The following PDCD1LG2 variants were observed in gnomAD, a reference collection of about 807,000 sequenced individuals.
The protein encoded by PDCD1LG2 is programmed cell death 1 ligand 2.
Under a neutral mutation model 28.2 loss-of-function variants are expected in PDCD1LG2, and 32 were observed. That is an observed-to-expected ratio of 1.13 (90% CI 0.86 to 1.52). The LOEUF is 1.52. Ranked by LOEUF, PDCD1LG2 falls within the 40% of genes most tolerant of loss-of-function variation. The pLI, the probability that PDCD1LG2 is intolerant of heterozygous loss-of-function variation, is 0.00. For missense variants in PDCD1LG2, 385 were observed against 323.8 expected, an observed-to-expected ratio of 1.19 and a Z score of -1.45; for synonymous variants, 116 against 120.2, an observed-to-expected ratio of 0.97 and a Z score of 0.23.
At chr9:5,555,249 C>T (rs1563832272) in intron 4 of PDCD1LG2, among the ~76,000 whole-genome samples, 1 of 152,032 alleles carries the variant, frequency 6.6e-6, no homozygotes, top group Non-Finnish European at 1.5e-5. Flanking sequence ...AACCCCGTCT[C>T]TACTAAAAAT....
At position 5,526,914 on chromosome 9, in the gene PDCD1LG2, G is replaced by A. The variant is rs570113417; in HGVS notation, c.55+4313G>A. 2.0e-5 allele frequency among the ~76,000 whole-genome samples: 3 copies of A among 152,080 alleles called. No homozygotes were observed. The South Asian group carries it at 6.2e-4, about 32-fold the overall frequency. On this transcript the variant is annotated intron_variant, in intron 2 of 6. Transcript: ENST00000397747. Reference sequence around the variant, plus strand: ...CTGTAATTTATTTAACCACTTCCCTGTTGGTAGACATTATTTCCATTTTCT... The same window carrying A: ...CTGTAATTTATTTAACCACTTCCCTATTGGTAGACATTATTTCCATTTTCT...
chr9:5,519,785 C>T (rs1820239616), intron 1 of PDCD1LG2, among the ~76,000 whole-genome samples: 1 of 152,180 alleles, frequency 6.6e-6, no homozygotes, highest in African/African-American at 2.4e-5. Flanking sequence ...TTGCTTCTCC[C>T]CCAGCCTTCT....
chr9:5,537,494 G>A (rs942567691), intron 3 of PDCD1LG2, among the ~76,000 whole-genome samples: 18 of 152,068 alleles, frequency 1.2e-4, no homozygotes, highest in African/African-American at 3.9e-4. Flanking sequence ...GTCCAACAAC[G>A]ATAGACTGGA....
rs117211069 is a variant in PDCD1LG2 at position 5,552,284 on chromosome 9, T to G, written c.631+2680T>G. Among the ~76,000 whole-genome samples the G allele has an allele frequency of 8.9e-3, 1,348 of 152,286 alleles. 10 individuals are homozygous for G. The highest frequency in any genetic ancestry group is 0.014 in the Non-Finnish European group (972 of 68,020). ...TCCACCAGTATGGTAATTTTTTTCT[T>G]TGCTCACTGGTCTGCCAATATTAAG... On this transcript the variant is annotated intron_variant, in intron 4 of 6. Coordinates refer to ENST00000397747, the MANE Select transcript of PDCD1LG2 (RefSeq NM_025239.4).
At chr9:5,525,343 TAAA>T (rs34153756) in intron 2 of PDCD1LG2, among the ~76,000 whole-genome samples, 1 of 136,854 alleles carries the variant, frequency 7.3e-6, no homozygotes, top group African/African-American at 2.7e-5. Context: ...AGATTCCATT[TAAA>T]AAAAAAAAAA....
At chr9:5,517,152 G>A (rs1820182623) in intron 1 of PDCD1LG2, among the ~76,000 whole-genome samples, 1 of 152,224 alleles carries the variant, frequency 6.6e-6, no homozygotes, top group Non-Finnish European at 1.5e-5. Context: ...CTGCTTTGGG[G>A]GAGAAAAGAT....
intron 2 of PDCD1LG2, among the ~76,000 whole-genome samples, chr9:5,526,653 G>A (rs532002561): frequency 6.6e-6 from 1 of 152,114 alleles, no homozygotes; most frequent in East Asian, 1.9e-4. Flanking sequence ...ACACAGGCTG[G>A]CCTCAAACGC....
At chr9:5,562,313 A>G (rs1307431665) in intron 5 of PDCD1LG2, among the ~76,000 whole-genome samples, 1 of 152,218 alleles carries the variant, frequency 6.6e-6, no homozygotes, top group Non-Finnish European at 1.5e-5. Flanking sequence ...AGCCATGAAA[A>G]AGAATGAGAT....
chr9:5,516,701 G>A (rs1423569712), intron 1 of PDCD1LG2, among the ~76,000 whole-genome samples: 1 of 152,232 alleles, frequency 6.6e-6, no homozygotes, highest in African/African-American at 2.4e-5. Context: ...TCTGGAAGAG[G>A]TCGAGGCAGC....
rs1354318819 is a variant in PDCD1LG2, at chr9:5,571,084, G to C, written c.*1125G>C. On this transcript the variant is annotated 3_prime_UTR_variant, in exon 7 of 7. Coordinates refer to ENST00000397747, the MANE Select transcript of PDCD1LG2 (RefSeq NM_025239.4). The stretch of plus-strand genomic sequence containing the variant: ...AATGGGCACATTAGCTAGTATAACA[G>C]ACTTACATAGGTGGGCCTAAAGCAA... The C allele has an allele frequency of 8.6e-6, 2 of 232,428 alleles. No individual in the cohort carries two copies. Among genetic ancestry groups the C allele is most frequent in the East Asian group, 1.2e-4 (2 of 16,472 alleles). 14.4% of individuals were successfully genotyped at this position (232,428 alleles called of 1,614,324 possible).
At chr9:5,516,298 G>T (rs936206430) in intron 1 of PDCD1LG2, among the ~76,000 whole-genome samples, 1 of 152,174 alleles carries the variant, frequency 6.6e-6, no homozygotes, top group Non-Finnish European at 1.5e-5. Flanking sequence ...TGATTTTCCT[G>T]CCTCGGCCTC....
chr9:5,548,821 G>C (rs1175059960), intron 3 of PDCD1LG2, among the ~76,000 whole-genome samples: 1 of 152,144 alleles, frequency 6.6e-6, no homozygotes, highest in East Asian at 1.9e-4. Flanking sequence ...ACAGAGGAAA[G>C]GAGGAAGTAA....
At chr9:5,526,221 C>G (rs1023176868) in intron 2 of PDCD1LG2, among the ~76,000 whole-genome samples, 1 of 152,038 alleles carries the variant, frequency 6.6e-6, no homozygotes, top group Non-Finnish European at 1.5e-5. Flanking sequence ...TTATTTAAAG[C>G]TTTCTGTTGT....
intron 3 of PDCD1LG2, among the ~76,000 whole-genome samples, chr9:5,540,718 T>A (rs1040185542): frequency 2.6e-5 from 4 of 152,226 alleles, no homozygotes; most frequent in African/African-American, 9.6e-5. Context: ...GAATGGTAAC[T>A]TTTAAAATTG....
chr9:5,514,668 A>G (rs1820121204), intron 1 of PDCD1LG2, among the ~76,000 whole-genome samples: 1 of 146,454 alleles, frequency 6.8e-6, no homozygotes, highest in Non-Finnish European at 1.5e-5. Context: ...TTGAAGCCAG[A>G]GTTTGCTTGA....
intron 4 of PDCD1LG2, among the ~76,000 whole-genome samples, chr9:5,557,235 A>T (rs954314772): frequency 2.7e-5 from 4 of 149,476 alleles, no homozygotes; most frequent in African/African-American, 9.9e-5. Flanking sequence ...AGAAAAAAGA[A>T]AGAAAGATGA....
chr9:5,513,632 TTAAATGCTC>T (rs1264814787), intron 1 of PDCD1LG2, among the ~76,000 whole-genome samples: 2 of 152,228 alleles, frequency 1.3e-5, no homozygotes, highest in Non-Finnish European at 2.9e-5. Flanking sequence ...TAATTTGAAC[TTAAATGCTC>T]TATTAAATTG....
At chr9:5,543,388 A>C (rs1364751565) in intron 3 of PDCD1LG2, among the ~76,000 whole-genome samples, 1 of 151,938 alleles carries the variant, frequency 6.6e-6, no homozygotes, top group African/African-American at 2.4e-5. Flanking sequence ...AAATACAAAA[A>C]ATTAGCCGGG....
chr9:5,533,024 C>G (rs1038007433), intron 2 of PDCD1LG2, among the ~76,000 whole-genome samples: 1 of 152,218 alleles, frequency 6.6e-6, no homozygotes, highest in African/African-American at 2.4e-5. Context: ...GCTCACCTGT[C>G]ACTATATCCT....
Sources: allele counts gnomAD v4.1 joint callset (sites outside exome capture counted in the v4.1 genomes callset), GRCh38; gene constraint gnomAD v4.1.1; transcripts MANE v1.5; gene names NCBI Gene and HGNC (gene_info 2026-07-23, HGNC 2026-07-21).